ACTL7A: variants seen among roughly 807,000 people sequenced by gnomAD.
ACTL7A encodes the protein actin-like protein 7A.
In ACTL7A, 27 loss-of-function variants were observed where a neutral mutation model predicts 30.3. The ratio of observed to expected loss-of-function variants is 0.89; its 90% CI spans 0.66 to 1.23. The LOEUF (loss-of-function observed/expected upper bound fraction) is 1.23, where lower values mean the gene tolerates loss of function less well. Among genes scored for constraint, ACTL7A ranks in the 50% most tolerant of loss-of-function variants. ACTL7A has a pLI of 0.00. For missense variants in ACTL7A, 566 were observed against 571.8 expected, an observed-to-expected ratio of 0.99 and a Z score of 0.10; for synonymous variants, 259 against 241.4, an observed-to-expected ratio of 1.07 and a Z score of -0.67.
rs1267766770 is a variant in ACTL7A at position 108,862,881 on chromosome 9, C to A, written c.559C>A (p.Leu187Met). The A allele has an allele frequency of 1.2e-6, 2 of 1,612,614 alleles. No homozygotes were observed. Among genetic ancestry groups the A allele is most frequent in the South Asian group, 2.2e-5 (2 of 90,772 alleles). ...HTNREKYAEM[L>M]FEAFNTPAMH... ...CAACAGAGAGAAATATGCTGAAATG[C>A]TGTTTGAAGCCTTCAACACCCCTGC... is the stretch of plus-strand genomic sequence containing the variant. The change falls in exon 1 of 1, where the codon CTG becomes ATG. Residue 187 changes from leucine (L) to methionine (M), a missense_variant. Leu to Met is a conservative substitution (Grantham distance 15, BLOSUM62 2). Transcript: ENST00000333999.
chr9:108,863,701 G>A lies in ACTL7A; in HGVS notation c.*71G>A. 7.0e-7 allele frequency: 1 copy of A among 1,437,218 alleles called. No homozygotes were observed. Among genetic ancestry groups the A allele is most frequent in the Non-Finnish European group, 9.4e-7 (1 of 1,062,780 alleles). 89.0% of individuals were successfully genotyped at this position (1,437,218 alleles called of 1,614,324 possible). A position where few individuals can be genotyped will look rare whatever the true frequency, so the allele number is the denominator to read the frequency against. ...AGGGTGAGCGCACTCCTACACACAG[G>A]GGGTGGAGCCGGCGCTTATTCCTGT... On this transcript the variant is annotated 3_prime_UTR_variant, in exon 1 of 1. Coordinates refer to ENST00000333999, the MANE Select transcript of ACTL7A (RefSeq NM_006687.4).
Position 108,863,640 on chromosome 9 carries a change from A to G in ACTL7A, c.*10A>G, listed in dbSNP as rs756119180. 6.3e-7 allele frequency: 1 copy of G among 1,590,926 alleles called. No individual in the cohort carries two copies. Among genetic ancestry groups the G allele is most frequent in the South Asian group, 1.2e-5 (1 of 86,236 alleles). Reference sequence around the variant, plus strand: ...CAGAAGGTGCTTCTGAACAGCGACGAGGATGGACACTGCACTGGCAGTGCC... The same window carrying G: ...CAGAAGGTGCTTCTGAACAGCGACGGGGATGGACACTGCACTGGCAGTGCC... On this transcript the variant is annotated 3_prime_UTR_variant, in exon 1 of 1. Transcript: ENST00000333999.
chr9:108,863,609 C>T lies in ACTL7A; in HGVS notation c.1287C>T (p.Phe429=), dbSNP rs763714192. The change falls in exon 1 of 1, where the codon TTC becomes TTT. Residue 429 remains phenylalanine (F), a synonymous_variant. Transcript: ENST00000333999. Reference sequence around the variant, plus strand: ...AGTACGAGGAACACGGGCCTTTCTTCCTCTACAGAAGGTGCTTCTGAACAG... The same window carrying T: ...AGTACGAGGAACACGGGCCTTTCTTTCTCTACAGAAGGTGCTTCTGAACAG... ...RFEYEEHGPF[F]LYRRCF is the part of the protein sequence containing the mutation. 1.9e-6 allele frequency: 3 copies of T among 1,611,060 alleles called. No homozygotes were observed. The South Asian group carries it at 3.3e-5, about 18-fold the overall frequency.
At position 108,863,708 on chromosome 9, in the gene ACTL7A, A is replaced by T; in HGVS notation, c.*78A>T. On this transcript the variant is annotated 3_prime_UTR_variant, in exon 1 of 1. Transcript: ENST00000333999. Reference sequence around the variant, plus strand: ...GCGCACTCCTACACACAGGGGGTGGAGCCGGCGCTTATTCCTGTAGCATTA... The same window carrying T: ...GCGCACTCCTACACACAGGGGGTGGTGCCGGCGCTTATTCCTGTAGCATTA... The T allele has an allele frequency of 7.2e-7, 1 of 1,380,878 alleles. No homozygotes were observed. The allele number at this position is 1,380,878 out of a possible 1,614,324, so 85.5% of individuals were successfully genotyped here. A position where few individuals can be genotyped will look rare whatever the true frequency, so the allele number is the denominator to read the frequency against.
chr9:108,863,684 C>A lies in ACTL7A; in HGVS notation c.*54C>A. On this transcript the variant is annotated 3_prime_UTR_variant, in exon 1 of 1. Coordinates refer to ENST00000333999, the MANE Select transcript of ACTL7A (RefSeq NM_006687.4). ...CAGTGCCTACCCTCGACAGGGTGAG[C>A]GCACTCCTACACACAGGGGGTGGAG... The A allele has an allele frequency of 1.3e-6, 2 of 1,518,702 alleles. No homozygotes were observed. Among genetic ancestry groups the A allele is most frequent in the East Asian group, 2.3e-5 (1 of 44,082 alleles). 94.1% of individuals were successfully genotyped at this position (1,518,702 alleles called of 1,614,324 possible). A position where few individuals can be genotyped will look rare whatever the true frequency, so the allele number is the denominator to read the frequency against.
rs141606404 is a variant in ACTL7A, at chr9:108,863,278, C to G, written c.956C>G (p.Ser319Trp). 12 of 1,614,002 alleles carry G rather than the reference C, an allele frequency of 7.4e-6. No homozygotes were observed. In the African/African-American group the frequency reaches 1.3e-4, roughly 18 times the overall value. ...IQLCQERFLC[S>W]EMFFKPSLIK... is the part of the protein sequence containing the mutation. ...CTGTGCCAGGAACGGTTCCTCTGCT[C>G]GGAGATGTTCTTCAAGCCATCTCTC... The change falls in exon 1 of 1, where the codon TCG becomes TGG. Residue 319 changes from serine (S) to tryptophan (W), a missense_variant. By Grantham distance (177) the Ser-to-Trp change is radical (BLOSUM62 -3). Transcript: ENST00000333999.
chr9:108,863,211 C>A lies in ACTL7A; in HGVS notation c.889C>A (p.His297Asn). 6.2e-7 allele frequency: 1 copy of A among 1,614,136 alleles called. No individual in the cohort carries two copies. Among genetic ancestry groups the A allele is most frequent in the South Asian group, 1.1e-5 (1 of 91,080 alleles). ...IEEKKVPLSE[H>N]TIRYVLPDGK... ...GGAGAAGAAAGTCCCTCTCAGTGAG[C>A]ATACGATCCGCTACGTGCTGCCGGA... is the stretch of plus-strand genomic sequence containing the variant. The change falls in exon 1 of 1, where the codon CAT becomes AAT. Residue 297 changes from histidine (H) to asparagine (N), a missense_variant. His to Asn is a moderately conservative substitution (Grantham distance 68). Coordinates refer to ENST00000333999, the MANE Select transcript of ACTL7A (RefSeq NM_006687.4).
rs1827206913 is a variant in ACTL7A at position 108,863,753 on chromosome 9, T to C, written c.*123T>C. On this transcript the variant is annotated 3_prime_UTR_variant, in exon 1 of 1. Transcript: ENST00000333999. ...GCATTAAACACCCCTCATATGCCCC[T>C]CCACAGTGTGTTTCTCTACTTCCTG... 3.5e-6 allele frequency: 3 copies of C among 857,490 alleles called. No individual in the cohort carries two copies. The highest frequency in any genetic ancestry group is 3.0e-4 in the Middle Eastern group (1 of 3,320). The allele number at this position is 857,490 out of a possible 1,614,324, so 53.1% of individuals were successfully genotyped here. A position where few individuals can be genotyped will look rare whatever the true frequency, so the allele number is the denominator to read the frequency against.
In ACTL7A at chr9:108,863,644, T is replaced by G. The variant is rs1399809184; in HGVS notation, c.*14T>G. Reference sequence around the variant, plus strand: ...AGGTGCTTCTGAACAGCGACGAGGATGGACACTGCACTGGCAGTGCCTACC... The same window carrying G: ...AGGTGCTTCTGAACAGCGACGAGGAGGGACACTGCACTGGCAGTGCCTACC... On this transcript the variant is annotated 3_prime_UTR_variant, in exon 1 of 1. Coordinates refer to ENST00000333999, the MANE Select transcript of ACTL7A (RefSeq NM_006687.4). 1.3e-6 allele frequency: 2 copies of G among 1,588,468 alleles called. No individual in the cohort carries two copies. The highest frequency in any genetic ancestry group is 1.3e-5 in the African/African-American group (1 of 74,638).
rs778460042 is a variant in ACTL7A, at chr9:108,862,585, T to G, written c.263T>G (p.Leu88Arg). The change falls in exon 1 of 1, where the codon CTG becomes CGG. Residue 88 changes from leucine (L) to arginine (R), a missense_variant. Coordinates refer to ENST00000333999, the MANE Select transcript of ACTL7A (RefSeq NM_006687.4). Reference protein sequence around the residue: ...TGYCKCGFAGLPRPTHKISTT... With the variant: ...TGYCKCGFAGRPRPTHKISTT... ...TACTGTAAATGTGGCTTTGCCGGCC[T>G]GCCAAGACCCACCCACAAGATCTCA... 1 of 1,614,162 alleles carries G rather than the reference T, an allele frequency of 6.2e-7. No homozygotes were observed. Among genetic ancestry groups the G allele is most frequent in the Non-Finnish European group, 8.5e-7 (1 of 1,180,036 alleles).
Position 108,862,409 on chromosome 9 carries a change from G to C in ACTL7A, c.87G>C (p.Gln29His). The C allele has an allele frequency of 1.2e-6, 2 of 1,614,118 alleles. No homozygotes were observed. The highest frequency in any genetic ancestry group is 1.7e-6 in the Non-Finnish European group (2 of 1,180,036). Residue 29 changes from glutamine (Q) to histidine (H), a missense_variant, in exon 1 of 1, where the codon CAG (glutamine) becomes CAC (histidine). Gln to His is a conservative substitution (Grantham distance 24). Transcript: ENST00000333999. ...NQAPLQTQAL[Q>H]TASLRDGPAK... Reference sequence around the variant, plus strand: ...CCCCCCTGCAGACACAGGCCCTCCAGACTGCCTCTTTAAGGGATGGCCCGG... The same window carrying C: ...CCCCCCTGCAGACACAGGCCCTCCACACTGCCTCTTTAAGGGATGGCCCGG...
chr9:108,862,925 G>C lies in ACTL7A; in HGVS notation c.603G>C (p.Gln201His), dbSNP rs1311351285. 1 of 1,611,078 alleles carries C rather than the reference G, an allele frequency of 6.2e-7. No homozygotes were observed. The highest frequency in any genetic ancestry group is 8.5e-7 in the Non-Finnish European group (1 of 1,178,234). The change falls in exon 1 of 1, where the codon CAG (glutamine) becomes CAC (histidine). Residue 201 changes from glutamine to histidine, a missense_variant. Coordinates refer to ENST00000333999, the MANE Select transcript of ACTL7A (RefSeq NM_006687.4). ...FNTPAMHIAYQSRLSMYSYGR... is the reference protein window; with the variant it reads ...FNTPAMHIAYHSRLSMYSYGR... ...CCCCTGCAATGCACATCGCCTACCA[G>C]TCGCGCCTGTCCATGTACTCCTATG...
In ACTL7A at chr9:108,863,699, A is replaced by G. The variant is rs1199785814; in HGVS notation, c.*69A>G. 10 of 1,439,670 alleles carry G rather than the reference A, an allele frequency of 6.9e-6. No homozygotes were observed. In the East Asian group the frequency reaches 2.3e-4, roughly 33 times the overall value. 89.2% of individuals were successfully genotyped at this position (1,439,670 alleles called of 1,614,324 possible). The stretch of plus-strand genomic sequence containing the variant: ...ACAGGGTGAGCGCACTCCTACACAC[A>G]GGGGGTGGAGCCGGCGCTTATTCCT... On this transcript the variant is annotated 3_prime_UTR_variant, in exon 1 of 1. Coordinates refer to ENST00000333999, the MANE Select transcript of ACTL7A (RefSeq NM_006687.4).
At position 108,862,930 on chromosome 9, in the gene ACTL7A, G is replaced by A. The variant is rs547660889; in HGVS notation, c.608G>A (p.Arg203His). 8 of 1,610,814 alleles carry A rather than the reference G, an allele frequency of 5.0e-6. No homozygotes were observed. The highest frequency in any genetic ancestry group is 2.7e-5 in the African/African-American group (2 of 74,990). ...GCAATGCACATCGCCTACCAGTCGC[G>A]CCTGTCCATGTACTCCTATGGAAGG... Reference protein sequence around the residue: ...TPAMHIAYQSRLSMYSYGRTS... With the variant: ...TPAMHIAYQSHLSMYSYGRTS... Residue 203 changes from arginine (R) to histidine (H), a missense_variant, in exon 1 of 1, where the codon CGC becomes CAC. Physicochemically the swap from Arg to His is conservative, Grantham distance 29. Transcript: ENST00000333999.
rs1336202637 is a variant in ACTL7A, at chr9:108,863,318, G to T, written c.996G>T (p.Gln332His). ...AGCCATCTCTCATCAAGTCCATGCAGCTGGGCCTCCACACCCAAACCGTGT... is the reference window on the plus strand; with the variant it reads ...AGCCATCTCTCATCAAGTCCATGCATCTGGGCCTCCACACCCAAACCGTGT... The part of the protein sequence containing the change: ...FFKPSLIKSM[Q>H]LGLHTQTVSC... Residue 332 changes from glutamine (Q) to histidine (H), a missense_variant, in exon 1 of 1, where the codon CAG becomes CAT. Transcript: ENST00000333999. The T allele has an allele frequency of 6.2e-7, 1 of 1,614,168 alleles. No homozygotes were observed. The highest frequency in any genetic ancestry group is 1.1e-5 in the South Asian group (1 of 91,084).
In ACTL7A at chr9:108,863,638, C is replaced by A; in HGVS notation, c.*8C>A. 1.3e-6 allele frequency: 2 copies of A among 1,590,518 alleles called. No homozygotes were observed. Among genetic ancestry groups the A allele is most frequent in the South Asian group, 1.2e-5 (1 of 86,190 alleles). On this transcript the variant is annotated 3_prime_UTR_variant, in exon 1 of 1. Coordinates refer to ENST00000333999, the MANE Select transcript of ACTL7A (RefSeq NM_006687.4). ...TACAGAAGGTGCTTCTGAACAGCGA[C>A]GAGGATGGACACTGCACTGGCAGTG...
Position 108,863,505 on chromosome 9 carries a change from A to G in ACTL7A, c.1183A>G (p.Arg395Gly), listed in dbSNP as rs1421730096. The G allele has an allele frequency of 9.3e-6, 15 of 1,614,080 alleles. No homozygotes were observed. Among genetic ancestry groups the G allele is most frequent in the Non-Finnish European group, 1.3e-5 (15 of 1,180,042 alleles). The change falls in exon 1 of 1, where the codon AGA becomes GGA. Residue 395 changes from arginine (R) to glycine (G), a missense_variant. Transcript: ENST00000333999. ...DTPQVNVLPE[R>G]DSAVWTGGSI... is the part of the protein sequence containing the mutation. ...CCCGCAGGTAAACGTGCTGCCTGAA[A>G]GAGACAGTGCCGTGTGGACCGGTGG...
In ACTL7A at chr9:108,862,658, T is replaced by A; in HGVS notation, c.336T>A (p.Asn112Lys). ...PYMETAKTGDNRKETFVGQEL... is the reference protein window; with the variant it reads ...PYMETAKTGDKRKETFVGQEL... ...TGGAGACCGCCAAGACTGGGGATAA[T>A]CGCAAGGAGACATTCGTGGGGCAGG... The change falls in exon 1 of 1, where the codon AAT becomes AAA. Residue 112 changes from asparagine to lysine, a missense_variant. Transcript: ENST00000333999. The A allele has an allele frequency of 1.2e-6, 2 of 1,614,120 alleles. No individual in the cohort carries two copies. Among genetic ancestry groups the A allele is most frequent in the Non-Finnish European group, 1.7e-6 (2 of 1,180,010 alleles).
rs751361858 is a variant in ACTL7A at position 108,863,012 on chromosome 9, C to T, written c.690C>T (p.Tyr230=). The change falls in exon 1 of 1, where the codon TAC becomes TAT. Residue 230 remains tyrosine, a synonymous_variant. Transcript: ENST00000333999. ...GCGTGTCCTACGTGGTCCCCATCTACGAGGGTTATCCTTTGCCCAGCATCA... is the reference window on the plus strand; with the variant it reads ...GCGTGTCCTACGTGGTCCCCATCTATGAGGGTTATCCTTTGCCCAGCATCA... ...GHGVSYVVPI[Y]EGYPLPSITG... 6.2e-6 allele frequency: 10 copies of T among 1,612,674 alleles called. No individual in the cohort carries two copies. Among genetic ancestry groups the T allele is most frequent in the African/African-American group, 2.7e-5 (2 of 74,890 alleles).
Sources: allele counts gnomAD v4.1 joint callset, GRCh38; gene constraint gnomAD v4.1.1; transcripts MANE v1.5; gene names NCBI Gene and HGNC (gene_info 2026-07-23, HGNC 2026-07-21).